The following IMMP2L variants were observed in gnomAD, a reference collection of about 807,000 sequenced individuals.
The protein encoded by IMMP2L is mitochondrial inner membrane protease subunit 2.
Under a neutral mutation model 19.3 loss-of-function variants are expected in IMMP2L, and 18 were observed. The observed-to-expected ratio is 0.93, with a 90% CI of 0.64 to 1.38. IMMP2L has a LOEUF of 1.38. IMMP2L is among the 40% of genes most tolerant of loss of function. IMMP2L has a pLI of 0.00. For missense variants in IMMP2L, 233 were observed against 218.2 expected, an observed-to-expected ratio of 1.07 and a Z score of -0.43; for synonymous variants, 76 against 73.0, an observed-to-expected ratio of 1.04 and a Z score of -0.21.
chr7:111,469,916 C>T (rs1469859617), intron 3 of IMMP2L, among the ~76,000 whole-genome samples: 1 of 152,190 alleles, frequency 6.6e-6, no homozygotes, highest in Admixed American at 6.5e-5. Context: ...GCAAAAGAAA[C>T]TACCATCAGA....
intron 3 of IMMP2L, among the ~76,000 whole-genome samples, chr7:111,304,416 T>C (rs1040799199): frequency 3.3e-5 from 5 of 151,786 alleles, no homozygotes; most frequent in African/African-American, 1.2e-4. Flanking sequence ...CAAATGGAAA[T>C]GAAATTAGCA....
chr7:111,197,072 T>C (rs775322386), intron 3 of IMMP2L, among the ~76,000 whole-genome samples: 5 of 152,190 alleles, frequency 3.3e-5, no homozygotes, highest in Admixed American at 6.5e-5. Context: ...TAATGCTATG[T>C]TATTTTACAA....
intron 5 of IMMP2L, among the ~76,000 whole-genome samples, chr7:110,697,124 T>A (rs1274643918): frequency 2.0e-5 from 3 of 152,160 alleles, no homozygotes; most frequent in Non-Finnish European, 4.4e-5. Context: ...CCTCAATTCC[T>A]TTGTGATGAG....
At chr7:111,428,779 T>C (rs1836338868) in intron 3 of IMMP2L, among the ~76,000 whole-genome samples, 1 of 151,850 alleles carries the variant, frequency 6.6e-6, no homozygotes, top group South Asian at 2.1e-4. Flanking sequence ...CAAACTATAT[T>C]ATTATACAAC....
intron 3 of IMMP2L, among the ~76,000 whole-genome samples, chr7:111,163,283 G>A (rs1254596158): frequency 6.6e-6 from 1 of 151,984 alleles, no homozygotes; most frequent in African/African-American, 2.4e-5. Context: ...ACAAACCCAC[G>A]TGGCTTCATC....
chr7:111,503,198 C>T (rs574689717), intron 2 of IMMP2L, among the ~76,000 whole-genome samples: 2,197 of 152,178 alleles, frequency 0.014, 47 homozygotes, highest in African/African-American at 0.05. Flanking sequence ...AACACCTCTA[C>T]GCAAATAACT....
chr7:110,869,746 A>C (rs937789576), intron 5 of IMMP2L, among the ~76,000 whole-genome samples: 2 of 152,130 alleles, frequency 1.3e-5, no homozygotes, highest in African/African-American at 4.8e-5. Flanking sequence ...AATTTGGGAA[A>C]CAGTGCTATA....
chr7:111,081,530 A>G (rs1795888978), intron 3 of IMMP2L, among the ~76,000 whole-genome samples: 2 of 152,236 alleles, frequency 1.3e-5, no homozygotes, highest in Non-Finnish European at 2.9e-5. Flanking sequence ...GTGCAGTGCT[A>G]AAGCTCTGGG....
intron 3 of IMMP2L, among the ~76,000 whole-genome samples, chr7:111,339,729 C>A (rs1826824085): frequency 6.6e-6 from 1 of 152,010 alleles, no homozygotes; most frequent in African/African-American, 2.4e-5. Flanking sequence ...CATTCAAAGA[C>A]TTCAACTCAA....
intron 3 of IMMP2L, among the ~76,000 whole-genome samples, chr7:111,283,970 CAAA>C (rs972346409): frequency 4.1e-5 from 2 of 48,618 alleles, no homozygotes; most frequent in African/African-American, 1.4e-4. Flanking sequence ...GACTCCGTCT[CAAA>C]AAAAAAAAAA....
At chr7:111,025,540 A>T (rs1252582275) in intron 3 of IMMP2L, among the ~76,000 whole-genome samples, 1 of 152,200 alleles carries the variant, frequency 6.6e-6, no homozygotes, top group African/African-American at 2.4e-5. Flanking sequence ...ATTCTTAAAC[A>T]TCTAGAAAAG....
chr7:111,478,704 A>G (rs1017088544), intron 3 of IMMP2L, among the ~76,000 whole-genome samples: 2 of 152,026 alleles, frequency 1.3e-5, no homozygotes, highest in African/African-American at 4.8e-5. Context: ...AGGATTACAG[A>G]CATGACTCAC....
intron 3 of IMMP2L, among the ~76,000 whole-genome samples, chr7:111,099,480 T>G (rs938333780): frequency 1.3e-5 from 2 of 151,730 alleles, no homozygotes; most frequent in South Asian, 4.1e-4. Flanking sequence ...CCTAAAACTT[T>G]AGTAGAAGCG....
In IMMP2L at chr7:110,713,348, C is replaced by T. The variant is rs143505036; in HGVS notation, c.409-49627G>A. On this transcript the variant is annotated intron_variant, in intron 5 of 5. Coordinates refer to ENST00000405709, the MANE Select transcript of IMMP2L (RefSeq NM_032549.4). Reference sequence around the variant, plus strand: ...TAGTTTGAAGTCAGGTAATGTGATGCGTCTGACTTTGTTCTTACAGCTTGG... The same window carrying T: ...TAGTTTGAAGTCAGGTAATGTGATGTGTCTGACTTTGTTCTTACAGCTTGG... Among the ~76,000 whole-genome samples, 86 of 152,228 alleles carry T rather than the reference C, an allele frequency of 5.6e-4. 1 individual carries two copies. In the East Asian group the frequency reaches 0.015, roughly 27 times the overall value.
rs10242510 is a variant in IMMP2L at position 111,119,216 on chromosome 7, G to C, written c.240-155651C>G. 9.5e-3 allele frequency among the ~76,000 whole-genome samples: 1,439 copies of C among 152,216 alleles called. 23 individuals are homozygous for C. Among genetic ancestry groups the C allele is most frequent in the African/African-American group, 0.032 (1,334 of 41,540 alleles). On this transcript the variant is annotated intron_variant, in intron 3 of 5. Transcript: ENST00000405709. ...TATGGAAACATACAGAAATGCAATT[G>C]GACTTTGTACCTAGGTTTTTCCTTC...
At chr7:110,961,643 C>G (rs1303589514) in intron 4 of IMMP2L, among the ~76,000 whole-genome samples, 2 of 151,462 alleles carry the variant, frequency 1.3e-5, no homozygotes, top group Non-Finnish European at 2.9e-5. Context: ...TCATAATATC[C>G]CCACACTGGA....
intron 1 of IMMP2L, among the ~76,000 whole-genome samples, chr7:111,558,843 T>C (rs562379872): frequency 5.3e-5 from 8 of 152,316 alleles, no homozygotes; most frequent in South Asian, 2.1e-4. Flanking sequence ...TATAAGTACA[T>C]TGTTAACTTT....
intron 3 of IMMP2L, among the ~76,000 whole-genome samples, chr7:111,026,059 CAG>C (rs1365579303): frequency 6.6e-6 from 1 of 151,754 alleles, no homozygotes; most frequent in Non-Finnish European, 1.5e-5. Flanking sequence ...AATGTGAAAA[CAG>C]AAGAATTGTT....
chr7:110,910,543 A>C (rs775384321), intron 4 of IMMP2L, among the ~76,000 whole-genome samples: 13 of 152,184 alleles, frequency 8.5e-5, no homozygotes, highest in Non-Finnish European at 1.5e-5. Flanking sequence ...ACAGTGTGAA[A>C]AGAAAGGAAG....
Sources: gnomAD v4.1 joint callset for allele counts (sites outside exome capture counted in the v4.1 genomes callset) on GRCh38, gnomAD v4.1.1 for gene constraint, MANE v1.5 for transcripts, NCBI Gene and HGNC (gene_info 2026-07-23, HGNC 2026-07-21) for gene names.